FAM184A: variants seen among roughly 807,000 people sequenced by gnomAD.
FAM184A encodes protein FAM184A.
In FAM184A, 99 loss-of-function variants were observed where a neutral mutation model predicts 143.8. The ratio of observed to expected loss-of-function variants is 0.69; its 90% CI spans 0.58 to 0.81. The LOEUF (loss-of-function observed/expected upper bound fraction) is 0.81, where lower values mean the gene tolerates loss of function less well. FAM184A is among the 40% of genes least tolerant of loss of function. The pLI, the probability that FAM184A is intolerant of heterozygous loss-of-function variation, is 0.00. For missense variants in FAM184A, 1,217 were observed against 1,310.5 expected (o/e 0.93, Z 1.10); for synonymous variants, 427 against 446.4 (o/e 0.96, Z 0.55).
intron 3 of FAM184A, among the ~76,000 whole-genome samples, chr6:119,020,422 T>G (rs928888380): frequency 1.3e-5 from 2 of 152,104 alleles, no homozygotes; most frequent in African/African-American, 2.4e-5. Flanking sequence ...TTTACTGGTT[T>G]TTTTTGTTTT....
chr6:119,006,460 A>G lies in FAM184A; in HGVS notation c.1802T>C (p.Leu601Pro), dbSNP rs754419327. The change falls in exon 7 of 18, where the codon CTA becomes CCA. Residue 601 changes from leucine (L) to proline (P), a missense_variant. Physicochemically the swap from Leu to Pro is moderately conservative, Grantham distance 98. Transcript: ENST00000338891. ...TTATGAAATTACCTCCACATTTAAT[A>G]GAGCATCCTTGGTCTCCTTTAGGCT... The part of the protein sequence containing the change: ...KDSLKETKDA[L>P]LNVEGELEQE... 5.0e-6 allele frequency: 8 copies of G among 1,608,102 alleles called. No individual in the cohort carries two copies. The African/African-American group carries it at 1.1e-4, about 22-fold the overall frequency.
chr6:119,080,169 G>A (rs557737805), upstream of FAM184A, among the ~76,000 whole-genome samples: 2 of 152,264 alleles, frequency 1.3e-5, no homozygotes, highest in South Asian at 4.1e-4. Flanking sequence ...GTCTTGCTAG[G>A]ACAAAGATAT....
chr6:118,981,430 G>A (rs554244921), intron 9 of FAM184A, among the ~76,000 whole-genome samples: 2 of 152,224 alleles, frequency 1.3e-5, no homozygotes, highest in African/African-American at 4.8e-5. Flanking sequence ...AACAGTTTCT[G>A]CGGCCAAAAA....
intron 4 of FAM184A, among the ~76,000 whole-genome samples, chr6:119,017,473 G>A (rs1785300100): frequency 6.6e-6 from 1 of 151,424 alleles, no homozygotes; most frequent in Non-Finnish European, 1.5e-5. Flanking sequence ...ACTCCAGCCT[G>A]GGCGACAGAG....
chr6:118,979,072 T>C (rs1783938918), intron 11 of FAM184A, among the ~76,000 whole-genome samples: 1 of 152,178 alleles, frequency 6.6e-6, no homozygotes, highest in Non-Finnish European at 1.5e-5. Flanking sequence ...TGAGCAGTGA[T>C]TGATTTCTGG....
At chr6:119,100,496 G>A (rs1403941364) in intron 1 of FAM184A, among the ~76,000 whole-genome samples, 3 of 152,278 alleles carry the variant, frequency 2.0e-5, no homozygotes, top group African/African-American at 7.2e-5. Flanking sequence ...TGCTTAAGGT[G>A]AAAAGTCATT....
intron 6 of FAM184A, among the ~76,000 whole-genome samples, chr6:119,009,827 G>C (rs1785036783): frequency 6.6e-6 from 1 of 152,158 alleles, no homozygotes; most frequent in Non-Finnish European, 1.5e-5. Flanking sequence ...GTGTGTAACA[G>C]TGCTTTGGTA....
intron 1 of FAM184A, among the ~76,000 whole-genome samples, chr6:119,123,697 G>A (rs567112622): frequency 1.7e-4 from 26 of 152,272 alleles, no homozygotes; most frequent in Middle Eastern, 3.4e-3. Context: ...CATTCAGTCC[G>A]TTGGAGGCTT....
intron 1 of FAM184A, among the ~76,000 whole-genome samples, chr6:119,109,748 T>G (rs182642596): frequency 6.6e-6 from 1 of 152,300 alleles, no homozygotes; most frequent in Admixed American, 6.5e-5. Flanking sequence ...TTAAAATAGC[T>G]CTGCTATTTA....
intron 9 of FAM184A, among the ~76,000 whole-genome samples, chr6:119,000,141 G>C (rs1169530944): frequency 2.0e-5 from 3 of 152,032 alleles, no homozygotes; most frequent in African/African-American, 7.3e-5. Flanking sequence ...ATGCTTTAAG[G>C]CTGAATAAGT....
At chr6:119,035,767 G>C (rs1029389588) in intron 1 of FAM184A, among the ~76,000 whole-genome samples, 2 of 152,014 alleles carry the variant, frequency 1.3e-5, no homozygotes, top group Non-Finnish European at 2.9e-5. Flanking sequence ...AATTTTTTTT[G>C]AATCCACCTA....
At chr6:119,068,925 T>G (rs760169813) in intron 1 of FAM184A, 73 of 217,424 alleles carry the variant, frequency 3.4e-4, no homozygotes, top group Non-Finnish European at 6.9e-4. Context: ...ATAGAAAAAT[T>G]TGCCCATGAT....
chr6:118,992,295 A>T (rs1396128447), intron 9 of FAM184A, among the ~76,000 whole-genome samples: 4 of 152,278 alleles, frequency 2.6e-5, no homozygotes, highest in Admixed American at 2.6e-4. Flanking sequence ...AAGGAAAGAC[A>T]TATGGATGGT....
At chr6:118,991,750 A>ATTTT (rs1484717964) in intron 9 of FAM184A, among the ~76,000 whole-genome samples, 10 of 71,082 alleles carry the variant, frequency 1.4e-4, no homozygotes, top group African/African-American at 2.4e-4. Flanking sequence ...CCCTGAGAGG[A>ATTTT]CTTTTTTTTT....
chr6:119,083,121 C>G (rs1209370891), upstream of FAM184A, among the ~76,000 whole-genome samples: 1 of 152,228 alleles, frequency 6.6e-6, no homozygotes, highest in African/African-American at 2.4e-5. Flanking sequence ...ACAGCCTGAG[C>G]TGTACGTTGG....
intron 1 of FAM184A, among the ~76,000 whole-genome samples, chr6:119,147,075 T>G (rs577783262): frequency 1.9e-4 from 23 of 119,224 alleles, no homozygotes; most frequent in East Asian, 4.5e-4. Context: ...TTTTTTTTTT[T>G]TTTGTTTTTT....
At chr6:118,963,164 T>C (rs1229264704) in intron 16 of FAM184A, 1 of 152,122 alleles carries the variant, frequency 6.6e-6, no homozygotes, top group Non-Finnish European at 1.5e-5. Context: ...ATGTATCTTT[T>C]GCATTTTCTT....
At chr6:119,053,349 G>A (rs1019806294) in intron 1 of FAM184A, among the ~76,000 whole-genome samples, 6 of 152,118 alleles carry the variant, frequency 3.9e-5, no homozygotes, top group Non-Finnish European at 7.3e-5. Flanking sequence ...CCCAGACAGT[G>A]ACCTGCTATT....
At chr6:119,120,878 TGTTC>T (rs964753186) in intron 1 of FAM184A, among the ~76,000 whole-genome samples, 4 of 150,854 alleles carry the variant, frequency 2.7e-5, no homozygotes, top group African/African-American at 9.8e-5. Flanking sequence ...GACAGGGTCT[TGTTC>T]TGTTGCCCAG....
Sources: gnomAD v4.1 joint callset for allele counts (sites outside exome capture counted in the v4.1 genomes callset) on GRCh38, gnomAD v4.1.1 for gene constraint, MANE v1.5 for transcripts, NCBI Gene and HGNC (gene_info 2026-07-23, HGNC 2026-07-21) for gene names.